Variants in RPRD1A observed in about 807,000 individuals in gnomAD.
The protein encoded by RPRD1A is regulation of nuclear pre-mRNA domain-containing protein 1A.
Under a neutral mutation model 37.8 loss-of-function variants are expected in RPRD1A, and 9 were observed. The observed-to-expected ratio is 0.24, with a 90% CI of 0.14 to 0.42. The LOEUF (loss-of-function observed/expected upper bound fraction) is 0.42. Ranked by LOEUF, RPRD1A falls within the 10% of genes least tolerant of loss-of-function variation. RPRD1A has a pLI of 1.00. For missense variants in RPRD1A, 255 were observed against 371.0 expected (o/e 0.69, Z 2.57); for synonymous variants, 138 against 139.7 (o/e 0.99, Z 0.08).
At chr18:36,005,380 T>C (rs1455459475) in intron 6 of RPRD1A, among the ~76,000 whole-genome samples, 1 of 152,180 alleles carries the variant, frequency 6.6e-6, no homozygotes, top group Non-Finnish European at 1.5e-5. Flanking sequence ...ACAAAATATA[T>C]GAAAATTTTA....
intron 6 of RPRD1A, among the ~76,000 whole-genome samples, chr18:36,016,624 G>C (rs1235606988): frequency 1.3e-5 from 2 of 151,966 alleles, no homozygotes; most frequent in Non-Finnish European, 2.9e-5. Flanking sequence ...GACTATCACA[G>C]ATAAGCCAAA....
intron 6 of RPRD1A, among the ~76,000 whole-genome samples, chr18:36,001,369 TAATCAGTCTTTCCAC>T (rs1275195662): frequency 6.6e-6 from 1 of 152,234 alleles, no homozygotes; most frequent in East Asian, 1.9e-4. Context: ...TGACCCTCCA[TAATCAGTCTTTCCAC>T]ATGTACTCAA....
At position 36,014,281 on chromosome 18, in the gene RPRD1A, A is replaced by C. The variant is rs183835188; in HGVS notation, c.789+12619T>G. Among the ~76,000 whole-genome samples the C allele has an allele frequency of 1.8e-3, 273 of 152,354 alleles. 1 individual carries two copies. Among genetic ancestry groups the C allele is most frequent in the Non-Finnish European group, 3.1e-3 (210 of 68,034 alleles). On this transcript the variant is annotated intron_variant, in intron 6 of 6. Coordinates refer to ENST00000399022, the MANE Select transcript of RPRD1A (RefSeq NM_018170.5). ...TGTTCCCTTTACACCAGAAACTTCCAAGCGGAAGCTGGCTAAACTATCTCA... is the reference window on the plus strand; with the variant it reads ...TGTTCCCTTTACACCAGAAACTTCCCAGCGGAAGCTGGCTAAACTATCTCA...
intron 6 of RPRD1A, among the ~76,000 whole-genome samples, chr18:36,002,047 T>C (rs1242935307): frequency 2.0e-5 from 3 of 152,250 alleles, no homozygotes; most frequent in Non-Finnish European, 2.9e-5. Flanking sequence ...GGTTTTACTT[T>C]GATTTTCTGT....
rs1908689363 is a variant in RPRD1A at position 35,990,999 on chromosome 18, A to C, written c.*2152T>G. On this transcript the variant is annotated 3_prime_UTR_variant, in exon 7 of 7. Coordinates refer to ENST00000399022, the MANE Select transcript of RPRD1A (RefSeq NM_018170.5). Reference sequence around the variant, plus strand: ...ATCACAAATCTCATCAAGCTCTTTAAAAAAATAATGCATTTTTATCATAAA... The same window carrying C: ...ATCACAAATCTCATCAAGCTCTTTACAAAAATAATGCATTTTTATCATAAA... The C allele has an allele frequency of 6.6e-6, 1 of 152,306 alleles. No homozygotes were observed. Among genetic ancestry groups the C allele is most frequent in the Admixed American group, 6.5e-5 (1 of 15,296 alleles). 9.4% of individuals were successfully genotyped at this position (152,306 alleles called of 1,614,324 possible).
chr18:36,063,642 T>C (rs2088959407), intron 1 of RPRD1A, among the ~76,000 whole-genome samples: 2 of 152,218 alleles, frequency 1.3e-5, no homozygotes, highest in African/African-American at 4.8e-5. Flanking sequence ...GCAGAAATAA[T>C]GTGATTCAAG....
intron 1 of RPRD1A, among the ~76,000 whole-genome samples, chr18:36,051,065 T>C (rs1913355255): frequency 6.6e-6 from 1 of 152,154 alleles, no homozygotes; most frequent in Non-Finnish European, 1.5e-5. Context: ...TCTTGCTGTG[T>C]ATGGAAGAAA....
chr18:35,991,853 G>A lies in RPRD1A; in HGVS notation c.*1298C>T, dbSNP rs1390323445. The A allele has an allele frequency of 6.6e-6, 1 of 152,208 alleles. No individual in the cohort carries two copies. Among genetic ancestry groups the A allele is most frequent in the Non-Finnish European group, 1.5e-5 (1 of 68,034 alleles). The allele number at this position is 152,208 out of a possible 1,614,324, so 9.4% of individuals were successfully genotyped here. On this transcript the variant is annotated 3_prime_UTR_variant, in exon 7 of 7. Coordinates refer to ENST00000399022, the MANE Select transcript of RPRD1A (RefSeq NM_018170.5). The stretch of plus-strand genomic sequence containing the variant: ...CAGACTAGAGAGACATAATTGGCTT[G>A]TGGGATTTTCAAGATGTTTTATTGA...
At chr18:36,052,335 T>A (rs376574225) in intron 1 of RPRD1A, among the ~76,000 whole-genome samples, 82 of 151,794 alleles carry the variant, frequency 5.4e-4, no homozygotes, top group African/African-American at 2.0e-3. Flanking sequence ...GGATACTAGA[T>A]AGATAGTAAC....
intron 1 of RPRD1A, among the ~76,000 whole-genome samples, chr18:36,066,166 C>A (rs527974460): frequency 1.5e-3 from 229 of 149,496 alleles, no homozygotes; most frequent in Middle Eastern, 7.0e-3. Context: ...AACTGAAAAA[C>A]AAGGCTGTAA....
chr18:36,024,162 C>T (rs993827863), intron 6 of RPRD1A, among the ~76,000 whole-genome samples: 2 of 151,684 alleles, frequency 1.3e-5, no homozygotes, highest in African/African-American at 2.4e-5. Context: ...CACGCGCACG[C>T]GCGTGATGGA....
intron 6 of RPRD1A, among the ~76,000 whole-genome samples, chr18:35,994,504 C>T (rs1412063420): frequency 6.6e-6 from 1 of 152,130 alleles, no homozygotes; most frequent in Non-Finnish European, 1.5e-5. Context: ...TGTGGTTCTG[C>T]TGTGAGGAAT....
At chr18:36,019,696 A>C (rs1361412838) in intron 6 of RPRD1A, among the ~76,000 whole-genome samples, 1 of 152,248 alleles carries the variant, frequency 6.6e-6, no homozygotes, top group Non-Finnish European at 1.5e-5. Flanking sequence ...TTACACAGGC[A>C]GAAATCCACA....
intron 1 of RPRD1A, among the ~76,000 whole-genome samples, chr18:36,043,202 G>GGGGC (rs1912716123): frequency 7.2e-6 from 1 of 138,418 alleles, no homozygotes; most frequent in South Asian, 2.7e-4. Flanking sequence ...GAATCGGGGG[G>GGGGC]GGGGGAAGAA....
chr18:36,006,140 G>T (rs980367255), intron 6 of RPRD1A, among the ~76,000 whole-genome samples: 2 of 152,154 alleles, frequency 1.3e-5, no homozygotes, highest in Admixed American at 6.6e-5. Flanking sequence ...ATTATGTTAT[G>T]ATTAAATTTT....
Position 36,008,569 on chromosome 18 carries a change from T to A in RPRD1A, c.790-15269A>T, listed in dbSNP as rs866164929. On this transcript the variant is annotated intron_variant, in intron 6 of 6. Transcript: ENST00000399022. ...CTAGCCTGGGCGACACAGCAAGACCTTGTGTGTGTATATATATATATCTTT... is the reference window on the plus strand; with the variant it reads ...CTAGCCTGGGCGACACAGCAAGACCATGTGTGTGTATATATATATATCTTT... Among the ~76,000 whole-genome samples, 290 of 56,018 alleles carry A rather than the reference T, an allele frequency of 5.2e-3. 2 individuals are homozygous for A. The highest frequency in any genetic ancestry group is 8.6e-3 in the African/African-American group (59 of 6,872). The allele number at this position is 56,018 out of a possible 152,430, so 36.7% of individuals were successfully genotyped here.
chr18:36,066,667 GACTT>G (rs1172243515), intron 1 of RPRD1A, among the ~76,000 whole-genome samples: 3 of 152,210 alleles, frequency 2.0e-5, no homozygotes, highest in Non-Finnish European at 4.4e-5. Context: ...GACTTTAGGT[GACTT>G]ACTCTAAATC....
At chr18:36,012,338 T>A (rs1176141154) in intron 6 of RPRD1A, among the ~76,000 whole-genome samples, 3 of 152,220 alleles carry the variant, frequency 2.0e-5, no homozygotes, top group Non-Finnish European at 2.9e-5. Flanking sequence ...AATGACTTCG[T>A]TACCGGTTTA....
chr18:36,047,464 GA>G (rs1308610348), intron 1 of RPRD1A, among the ~76,000 whole-genome samples: 1 of 151,970 alleles, frequency 6.6e-6, no homozygotes, highest in African/African-American at 2.4e-5. Context: ...TAAAAGGAAT[GA>G]AATAATAAAG....
Sources: allele counts gnomAD v4.1 joint callset (sites outside exome capture counted in the v4.1 genomes callset), GRCh38; gene constraint gnomAD v4.1.1; transcripts MANE v1.5; gene names NCBI Gene and HGNC (gene_info 2026-07-23, HGNC 2026-07-21).